Variants in TBC1D16 observed in about 807,000 individuals in gnomAD.
The protein encoded by TBC1D16 is TBC1 domain family member 16.
TBC1D16 carries 58 observed loss-of-function variants against 74.7 expected under a neutral mutation model. The observed-to-expected ratio is 0.78, with a 90% CI of 0.63 to 0.97. The LOEUF (loss-of-function observed/expected upper bound fraction) is 0.97. Among genes scored for constraint, TBC1D16 ranks in the 50% least tolerant of loss-of-function variants. The pLI is 0.00. For synonymous variants in TBC1D16, 493 were observed against 474.7 expected (o/e 1.04, Z -0.50); for missense variants, 1,014 against 1,079.5 (o/e 0.94, Z 0.85).
chr17:79,971,597 A>G lies in TBC1D16; in HGVS notation c.780-18779T>C, dbSNP rs1598367785. On this transcript the variant is annotated intron_variant, in intron 3 of 11. Transcript: ENST00000310924. This position sits in a 1 kb window ranked among gnomAD's most constrained non-coding sequence, Gnocchi z 4.6. ...ATTTTGGAATAATGGCTCAGGGGCA[A>G]TTAGAAAAGAAGAGTCTTTAACGTA... Among the ~76,000 whole-genome samples the G allele has an allele frequency of 1.3e-5, 2 of 152,316 alleles. No homozygotes were observed. Among genetic ancestry groups the G allele is most frequent in the Middle Eastern group, 6.8e-3 (2 of 294 alleles).
At chr17:79,996,062 A>G (rs903609466) in intron 3 of TBC1D16, among the ~76,000 whole-genome samples, 4 of 152,244 alleles carry the variant, frequency 2.6e-5, no homozygotes, top group African/African-American at 9.6e-5. Context: ...AAAATGGATT[A>G]GACGATGTCT....
At position 80,010,119 on chromosome 17, in the gene TBC1D16, G is replaced by T; in HGVS notation, c.779+41C>A. Reference sequence around the variant, plus strand: ...GTGCTTCCTGCCCAGGTCAGGCCTTGGGGGCCTCCCGAGAGCCCACGCCCA... The same window carrying T: ...GTGCTTCCTGCCCAGGTCAGGCCTTTGGGGCCTCCCGAGAGCCCACGCCCA... On this transcript the variant is annotated intron_variant, in intron 3 of 11. Coordinates refer to ENST00000310924, the MANE Select transcript of TBC1D16 (RefSeq NM_019020.4). This position sits in a 1 kb window ranked among gnomAD's most constrained non-coding sequence, Gnocchi z 8.8. 6.6e-7 allele frequency: 1 copy of T among 1,526,690 alleles called. No homozygotes were observed. 94.6% of individuals were successfully genotyped at this position (1,526,690 alleles called of 1,614,324 possible).
chr17:79,997,321 TG>T (rs574061256), intron 3 of TBC1D16, among the ~76,000 whole-genome samples: 230 of 151,112 alleles, frequency 1.5e-3, no homozygotes, highest in African/African-American at 5.4e-3. Flanking sequence ...TGGGGGGAAG[TG>T]GGTGAAGGGT....
chr17:80,010,403 G>T lies in TBC1D16; in HGVS notation c.536C>A (p.Pro179His), dbSNP rs1027421840. Reference protein sequence around the residue: ...GVDGAQPASQPACSPSGILST... With the variant: ...GVDGAQPASQHACSPSGILST... ...CAAGATCCCGGAGGGGCTGCAAGCA[G>T]GCTGCGAGGCTGGCTGGGCACCATC... The change falls in exon 3 of 12, where the codon CCT becomes CAT. Residue 179 changes from proline (P) to histidine (H), a missense_variant. Transcript: ENST00000310924. This position sits in a 1 kb window ranked among gnomAD's most constrained non-coding sequence, Gnocchi z 8.8. The T allele has an allele frequency of 3.1e-6, 5 of 1,611,502 alleles. No homozygotes were observed. The highest frequency in any genetic ancestry group is 2.7e-5 in the African/African-American group (2 of 74,908).
chr17:79,949,933 G>A (rs1026069938), intron 6 of TBC1D16, 68 bp from the exon 7 acceptor site: 3 of 1,549,974 alleles, frequency 1.9e-6, no homozygotes, highest in African/African-American at 2.7e-5. Context: ...CAAATCCCCA[G>A]AGATGTGTGT....
intron 3 of TBC1D16, among the ~76,000 whole-genome samples, chr17:79,970,176 G>T (rs1006757997): frequency 2.0e-5 from 3 of 152,152 alleles, no homozygotes; most frequent in Non-Finnish European, 1.5e-5. Context: ...AAAGAAGCCA[G>T]TCACAAAAGG....
At chr17:79,949,962 G>T in intron 6 of TBC1D16, 97 bp from the exon 7 acceptor site, 2 of 1,421,440 alleles carry the variant, frequency 1.4e-6, no homozygotes, top group Non-Finnish European at 1.9e-6. Context: ...TTTTTGGTGC[G>T]CCTTGATTCA....
chr17:79,973,557 A>C (rs2034204489), intron 3 of TBC1D16, among the ~76,000 whole-genome samples: 1 of 152,150 alleles, frequency 6.6e-6, no homozygotes, highest in South Asian at 2.1e-4. Flanking sequence ...AAAATACAAA[A>C]AAAATAGCCA....
intron 8 of TBC1D16, among the ~76,000 whole-genome samples, chr17:79,948,335 G>T (rs1007299445): frequency 6.6e-6 from 1 of 150,786 alleles, no homozygotes; most frequent in East Asian, 2.0e-4. Context: ...AAAAGTAATG[G>T]CCTGCTATTA....
intron 7 of TBC1D16, 98 bp from the exon 8 acceptor site, chr17:79,949,104 C>G (rs573166640): frequency 1.2e-5 from 19 of 1,535,240 alleles, no homozygotes; most frequent in Middle Eastern, 2.2e-4. Context: ...TCCCAACCCC[C>G]GTTCCCTGGA....
rs985329805 is a variant in TBC1D16, at chr17:80,025,561, G to A, written c.-63+10234C>T. Among the ~76,000 whole-genome samples the A allele has an allele frequency of 1.6e-5, 2 of 127,022 alleles. 1 individual carries two copies. Among genetic ancestry groups the A allele is most frequent in the Admixed American group, 1.5e-4 (2 of 13,088 alleles). The allele number at this position is 127,022 out of a possible 152,430, so 83.3% of individuals were successfully genotyped here. ...GCAGTCCTGGCACCTGGGCTTCGGGGCCCGCCTGCTGGGAGCAGCCGCCTG... is the reference window on the plus strand; with the variant it reads ...GCAGTCCTGGCACCTGGGCTTCGGGACCCGCCTGCTGGGAGCAGCCGCCTG... On this transcript the variant is annotated intron_variant, in intron 1 of 11. Transcript: ENST00000310924.
At chr17:79,942,010 G>C (rs776416288) in intron 11 of TBC1D16, 50 bp downstream of exon 11, 1 of 1,511,028 alleles carries the variant, frequency 6.6e-7, no homozygotes, top group Non-Finnish European at 8.9e-7. Flanking sequence ...CTGGTGGGGT[G>C]GGGCTTTGGG....
chr17:79,941,492 C>T lies in TBC1D16; in HGVS notation c.2056-385G>A, dbSNP rs1378140410. Among the ~76,000 whole-genome samples the T allele has an allele frequency of 6.6e-6, 1 of 152,174 alleles. No homozygotes were observed. The highest frequency in any genetic ancestry group is 1.5e-5 in the Non-Finnish European group (1 of 68,022). ...TTCTTCCCCCGCACCTTGCTCCACC[C>T]CCCACCCCCAGCAGCCTCTCAGCTC... On this transcript the variant is annotated intron_variant, in intron 11 of 11. Coordinates refer to ENST00000310924, the MANE Select transcript of TBC1D16 (RefSeq NM_019020.4). This position sits in a 1 kb window ranked among gnomAD's most constrained non-coding sequence, Gnocchi z 4.3.
rs1568607541 is a variant in TBC1D16, at chr17:79,980,085, T to A, written c.780-27267A>T. 6.6e-6 allele frequency among the ~76,000 whole-genome samples: 1 copy of A among 151,894 alleles called. No individual in the cohort carries two copies. Among genetic ancestry groups the A allele is most frequent in the Non-Finnish European group, 1.5e-5 (1 of 67,962 alleles). On this transcript the variant is annotated intron_variant, in intron 3 of 11. Transcript: ENST00000310924. The surrounding 1 kb of genome is among the most constrained non-coding windows in gnomAD (Gnocchi z 7.0). Reference sequence around the variant, plus strand: ...CGTGCCGTGGAGGGTGGCCGCGAGGTTCATCTGGGCCTCCGAGCCTCCCAG... The same window carrying A: ...CGTGCCGTGGAGGGTGGCCGCGAGGATCATCTGGGCCTCCGAGCCTCCCAG...
chr17:80,015,187 TG>T (rs553445624), intron 1 of TBC1D16, among the ~76,000 whole-genome samples: 1 of 152,048 alleles, frequency 6.6e-6, no homozygotes, highest in African/African-American at 2.4e-5. Flanking sequence ...CCAAGCACTT[TG>T]GGGGGCCGAG....
chr17:79,952,310 G>A (rs1290592874), intron 4 of TBC1D16: 5 of 223,222 alleles, frequency 2.2e-5, no homozygotes, highest in Non-Finnish European at 4.4e-5. Context: ...CCGCACAGGT[G>A]GCCGAGCTCC....
At position 79,948,927 on chromosome 17, in the gene TBC1D16, C is replaced by A. The variant is rs1177957693; in HGVS notation, c.1486G>T (p.Asp496Tyr). Residue 496 changes from aspartate (D) to tyrosine (Y), a missense_variant, in exon 8 of 12, where the codon GAT (aspartate) becomes TAT (tyrosine). Asp to Tyr is a radical substitution (Grantham distance 160). Transcript: ENST00000310924. ...CCCCGGAAGAACTGGTTGTTCCGAT[C>A]TGTCCGGACCACGTCTTTGTCCACA... is the stretch of plus-strand genomic sequence containing the variant. The part of the protein sequence containing the change: ...FTVDKDVVRT[D>Y]RNNQFFRGED... 6.2e-7 allele frequency: 1 copy of A among 1,614,194 alleles called. No individual in the cohort carries two copies. Among genetic ancestry groups the A allele is most frequent in the South Asian group, 1.1e-5 (1 of 91,086 alleles).
intron 1 of TBC1D16, 140 bp from the exon 2 acceptor site, chr17:80,013,749 A>G: frequency 2.0e-6 from 1 of 494,316 alleles, no homozygotes; most frequent in Non-Finnish European, 3.5e-6. Flanking sequence ...TGTACAGGGT[A>G]GGCCACGTTC....
Position 79,959,197 on chromosome 17 carries a change from A to G in TBC1D16, c.780-6379T>C, listed in dbSNP as rs2033482628. ...CTTCGGAATAAGCCTGACAAAAGAC[A>G]TTCAAGAACGTCATACTGAAAAACA... On this transcript the variant is annotated intron_variant, in intron 3 of 11. Coordinates refer to ENST00000310924, the MANE Select transcript of TBC1D16 (RefSeq NM_019020.4). Among the ~76,000 whole-genome samples the G allele has an allele frequency of 2.0e-5, 3 of 152,260 alleles. No individual in the cohort carries two copies. In the South Asian group the frequency reaches 6.2e-4, roughly 31 times the overall value.
Sources: allele counts gnomAD v4.1 joint callset (sites outside exome capture counted in the v4.1 genomes callset), GRCh38; gene constraint gnomAD v4.1.1; non-coding constraint Gnocchi (gnomAD v3.1); transcripts MANE v1.5; gene names NCBI Gene and HGNC (gene_info 2026-07-23, HGNC 2026-07-21).